NDST4: variants seen among roughly 807,000 people sequenced by gnomAD.
NDST4 encodes the protein N-deacetylase and N-sulfotransferase 4.
A neutral mutation model predicts 100.8 loss-of-function variants in NDST4; 63 were observed. That is an observed-to-expected ratio of 0.62 (90% CI 0.51 to 0.77). The LOEUF (loss-of-function observed/expected upper bound fraction) is 0.77. Among genes scored for constraint, NDST4 ranks in the 30% least tolerant of loss-of-function variants. The pLI is 0.00. For synonymous variants in NDST4, 377 were observed against 361.8 expected, an observed-to-expected ratio of 1.04 and a Z score of -0.48; for missense variants, 943 against 1,018.4, an observed-to-expected ratio of 0.93 and a Z score of 1.01.
chr4:114,839,498 T>C lies in NDST4; in HGVS notation c.2166A>G (p.Glu722=), dbSNP rs1560772789. ...DPAALRFNFY[E]VISTGHWAPS... ...GAGCCCAATGTCCTGTTGAAATAAC[T>C]TCATAGAAATTGAACCTCAGAGCAG... is the stretch of plus-strand genomic sequence containing the variant. The change falls in exon 11 of 14, where the codon GAA becomes GAG. Residue 722 remains glutamate (E), a synonymous_variant. Coordinates refer to ENST00000264363, the MANE Select transcript of NDST4 (RefSeq NM_022569.3). 6.2e-7 allele frequency: 1 copy of C among 1,613,984 alleles called. No individual in the cohort carries two copies. Among genetic ancestry groups the C allele is most frequent in the Non-Finnish European group, 8.5e-7 (1 of 1,179,908 alleles).
chr4:114,976,989 CT>C (rs983052054), intron 3 of NDST4, among the ~76,000 whole-genome samples, 197 bp downstream of exon 3: 7 of 149,450 alleles, frequency 4.7e-5, no homozygotes, highest in African/African-American at 1.8e-4. Flanking sequence ...AGTCAATTCT[CT>C]TTCTCTTTTG....
At chr4:114,961,778 A>G (rs1268272775) in intron 4 of NDST4, among the ~76,000 whole-genome samples, 1 of 152,034 alleles carries the variant, frequency 6.6e-6, no homozygotes, top group African/African-American at 2.4e-5. Flanking sequence ...GTAATTTGTG[A>G]CTTCTCTTCC....
chr4:114,921,435 A>T (rs1490997757), intron 6 of NDST4, among the ~76,000 whole-genome samples: 1 of 152,192 alleles, frequency 6.6e-6, no homozygotes, highest in Non-Finnish European at 1.5e-5. Context: ...AAGCAGCAAG[A>T]AACAACCAAG....
At chr4:114,949,335 A>G (rs1311290261) in intron 4 of NDST4, among the ~76,000 whole-genome samples, 1 of 152,048 alleles carries the variant, frequency 6.6e-6, no homozygotes, top group Non-Finnish European at 1.5e-5. Context: ...TTAAGAGAAA[A>G]ACTCTAAGGG....
At position 114,913,084 on chromosome 4, in the gene NDST4, C is replaced by A. The variant is rs912476462; in HGVS notation, c.1536+22122G>T. On this transcript the variant is annotated intron_variant, in intron 6 of 13. Coordinates refer to ENST00000264363, the MANE Select transcript of NDST4 (RefSeq NM_022569.3). ...GATAAATTATTGAGCTCTTACAACTCAACCCATATCCAATTTTTGACAATG... is the reference window on the plus strand; with the variant it reads ...GATAAATTATTGAGCTCTTACAACTAAACCCATATCCAATTTTTGACAATG... 9.2e-5 allele frequency among the ~76,000 whole-genome samples: 14 copies of A among 151,734 alleles called. 1 individual carries two copies. In the South Asian group the frequency reaches 2.5e-3, roughly 27 times the overall value.
chr4:115,081,764 G>A (rs1729310834), intron 1 of NDST4, among the ~76,000 whole-genome samples: 2 of 152,086 alleles, frequency 1.3e-5, no homozygotes, highest in South Asian at 4.1e-4. Flanking sequence ...AAGACCCTGG[G>A]ACAAGTCAGC....
rs541995399 is a variant in NDST4 at position 114,896,864 on chromosome 4, G to T, written c.1537-25914C>A. Among the ~76,000 whole-genome samples the T allele has an allele frequency of 6.8e-4, 104 of 152,124 alleles. 1 individual carries two copies. The highest frequency in any genetic ancestry group is 1.0e-3 in the South Asian group (5 of 4,818). On this transcript the variant is annotated intron_variant, in intron 6 of 13. Coordinates refer to ENST00000264363, the MANE Select transcript of NDST4 (RefSeq NM_022569.3). ...CACCTTCTCTTTATGTTTCCCAGAA[G>T]TCAACCATGTACAACTCAAACTTTC...
chr4:115,095,605 T>A (rs985171295), intron 1 of NDST4, among the ~76,000 whole-genome samples: 7 of 152,152 alleles, frequency 4.6e-5, no homozygotes, highest in African/African-American at 1.7e-4. Context: ...CCTCTTCTCC[T>A]TAAAGCAATT....
chr4:115,071,436 C>G (rs1425025670), intron 2 of NDST4, among the ~76,000 whole-genome samples: 1 of 151,916 alleles, frequency 6.6e-6, no homozygotes, highest in Non-Finnish European at 1.5e-5. Flanking sequence ...ACAAACATAA[C>G]CAAGATTTTT....
chr4:114,954,570 A>C (rs1185560322), intron 4 of NDST4, among the ~76,000 whole-genome samples: 1 of 152,188 alleles, frequency 6.6e-6, no homozygotes, highest in Non-Finnish European at 1.5e-5. Flanking sequence ...AAAACAGATA[A>C]AAGCTATACT....
At chr4:114,994,564 C>G (rs575195665) in intron 2 of NDST4, among the ~76,000 whole-genome samples, 70 of 151,972 alleles carry the variant, frequency 4.6e-4, no homozygotes, top group African/African-American at 1.6e-3. Context: ...CACTCATGTC[C>G]CCAGGGTAAA....
chr4:114,855,624 T>C (rs1170446853), intron 7 of NDST4, among the ~76,000 whole-genome samples: 1 of 152,166 alleles, frequency 6.6e-6, no homozygotes, highest in Non-Finnish European at 1.5e-5. Flanking sequence ...TTCTGTTTCA[T>C]TGGTCTATGT....
chr4:115,068,048 C>T (rs1728989629), intron 2 of NDST4, among the ~76,000 whole-genome samples: 1 of 151,952 alleles, frequency 6.6e-6, no homozygotes, highest in African/African-American at 2.4e-5. Flanking sequence ...CCAGCTTCAT[C>T]CATGTCCCTA....
At chr4:114,852,694 G>C (rs933122107) in intron 8 of NDST4, 31 bp downstream of exon 8, 72 of 1,198,286 alleles carry the variant, frequency 6.0e-5, no homozygotes, top group Non-Finnish European at 8.4e-5. Context: ...TTTTTAAAAA[G>C]GATATAAGTA....
chr4:114,854,747 C>T (rs1015440702), intron 7 of NDST4, among the ~76,000 whole-genome samples: 1 of 152,148 alleles, frequency 6.6e-6, no homozygotes, highest in Non-Finnish European at 1.5e-5. Context: ...GGATTACAGG[C>T]ATGAGCCCGA....
intron 2 of NDST4, among the ~76,000 whole-genome samples, chr4:114,985,677 A>G (rs1726884913): frequency 6.6e-6 from 1 of 152,222 alleles, no homozygotes; most frequent in Admixed American, 6.5e-5. Context: ...CAGAGGATAC[A>G]CATAACAAAT....
chr4:115,027,513 C>A (rs2126268222), intron 2 of NDST4, among the ~76,000 whole-genome samples: 1 of 152,182 alleles, frequency 6.6e-6, no homozygotes, highest in Admixed American at 6.5e-5. Flanking sequence ...ACTAGGGATT[C>A]ACAGGATTTA....
At chr4:115,098,225 T>C (rs1485760607) in intron 1 of NDST4, among the ~76,000 whole-genome samples, 4 of 152,134 alleles carry the variant, frequency 2.6e-5, no homozygotes, top group South Asian at 4.1e-4. Context: ...TAGCAAGAAA[T>C]TGGATTGAAA....
At chr4:114,935,434 G>T in intron 5 of NDST4, 100 bp from the exon 6 acceptor site, 1 of 1,178,894 alleles carries the variant, frequency 8.5e-7, no homozygotes, top group Non-Finnish European at 1.1e-6. Flanking sequence ...ATTTCCTATT[G>T]GATTTTCTTG....
Sources: allele counts gnomAD v4.1 joint callset (sites outside exome capture counted in the v4.1 genomes callset), GRCh38; gene constraint gnomAD v4.1.1; transcripts MANE v1.5; gene names NCBI Gene and HGNC (gene_info 2026-07-23, HGNC 2026-07-21).